The following RNASET2 variants were observed in gnomAD, a reference collection of about 807,000 sequenced individuals.
RNASET2 encodes ribonuclease T2.
RNASET2 carries 28 observed loss-of-function variants against 33.9 expected under a neutral mutation model. The observed-to-expected ratio is 0.83, with a 90% CI of 0.61 to 1.13. RNASET2 has a LOEUF of 1.13. RNASET2 is among the 50% of genes most tolerant of loss of function. The pLI is 0.00. For synonymous variants in RNASET2, 123 were observed against 121.0 expected, an observed-to-expected ratio of 1.02 and a Z score of -0.11; for missense variants, 330 against 319.9, an observed-to-expected ratio of 1.03 and a Z score of -0.24.
At chr6:166,945,904 T>C (rs1036982246) in intron 4 of RNASET2, among the ~76,000 whole-genome samples, 3 of 150,548 alleles carry the variant, frequency 2.0e-5, no homozygotes, top group Non-Finnish European at 4.4e-5. Context: ...CCTTGGGGAA[T>C]GTACCATTCC....
At position 166,925,690 on chromosome 6, in the gene RNASET2, G is replaced by T. The variant is rs556840893; in HGVS notation, c.*3898C>A. 6.6e-6 allele frequency among the ~76,000 whole-genome samples: 1 copy of T among 152,332 alleles called. No homozygotes were observed. Among genetic ancestry groups the T allele is most frequent in the East Asian group, 1.9e-4 (1 of 5,188 alleles). ...AAGAGCTGGAAGAGAAGAGGCCCTG[G>T]TCCCTGGGCGTGGAGGCGCAGAGCC... On this transcript the variant is annotated 3_prime_UTR_variant, in exon 9 of 9. Coordinates refer to ENST00000508775, the MANE Select transcript of RNASET2 (RefSeq NM_003730.6).
At chr6:166,943,890 T>C (rs1338751104) in intron 4 of RNASET2, 3 of 354,550 alleles carry the variant, frequency 8.5e-6, no homozygotes, top group Non-Finnish European at 1.2e-5. Context: ...CGGAGGCCGA[T>C]GCGGGCGGAT....
intron 4 of RNASET2, among the ~76,000 whole-genome samples, chr6:166,946,143 C>T (rs1049776770): frequency 1.3e-5 from 2 of 152,226 alleles, no homozygotes; most frequent in African/African-American, 4.8e-5. Flanking sequence ...GCTAGTATCT[C>T]TAATAAATTC....
At chr6:166,951,130 G>A (rs1778974806) in intron 2 of RNASET2, among the ~76,000 whole-genome samples, 1 of 152,222 alleles carries the variant, frequency 6.6e-6, no homozygotes, top group Admixed American at 6.5e-5. Context: ...TGAGTCACGT[G>A]TCCACTGGAC....
rs1363605668 is a variant in RNASET2 at position 166,923,814 on chromosome 6, G to A, written c.*5774C>T. ...GACTTCATATCTGTGATTGTATCCT[G>A]GTAATTTCATTTCAGGAGCTAGAGC... On this transcript the variant is annotated 3_prime_UTR_variant, in exon 9 of 9. Coordinates refer to ENST00000508775, the MANE Select transcript of RNASET2 (RefSeq NM_003730.6). 2.6e-5 allele frequency among the ~76,000 whole-genome samples: 4 copies of A among 152,056 alleles called. No individual in the cohort carries two copies. Among genetic ancestry groups the A allele is most frequent in the Admixed American group, 2.0e-4 (3 of 15,278 alleles).
Position 166,922,282 on chromosome 6 carries a change from G to A in RNASET2, c.*7306C>T, listed in dbSNP as rs11969767. Among the ~76,000 whole-genome samples, 3,144 of 152,192 alleles carry A rather than the reference G, an allele frequency of 0.021. 106 individuals carry two copies. The highest frequency in any genetic ancestry group is 0.072 in the African/African-American group (2,977 of 41,502). On this transcript the variant is annotated 3_prime_UTR_variant, in exon 9 of 9. Coordinates refer to ENST00000508775, the MANE Select transcript of RNASET2 (RefSeq NM_003730.6). ...ACTCACTGACACACTCAAAAAGCGC[G>A]GTGATCTGAGTTATAGTAAAGCCTG... is the stretch of plus-strand genomic sequence containing the variant.
intron 1 of RNASET2, among the ~76,000 whole-genome samples, chr6:166,955,056 C>T (rs1313392762): frequency 6.6e-6 from 1 of 151,534 alleles, no homozygotes; most frequent in Non-Finnish European, 1.5e-5. Context: ...CCTATTAACC[C>T]GATCATTACC....
chr6:166,953,063 T>C (rs1779026508), intron 1 of RNASET2: 1 of 206,160 alleles, frequency 4.9e-6, no homozygotes, highest in Non-Finnish European at 1.0e-5. Context: ...CACTTGCTTC[T>C]CTGCAGAATT....
chr6:166,936,975 G>C lies in RNASET2; in HGVS notation c.446+1920C>G, dbSNP rs74427226. Among the ~76,000 whole-genome samples, 36 of 152,208 alleles carry C rather than the reference G, an allele frequency of 2.4e-4. 2 individuals carry two copies. The East Asian group carries it at 6.9e-3, about 29-fold the overall frequency. On this transcript the variant is annotated intron_variant, in intron 6 of 8. Coordinates refer to ENST00000508775, the MANE Select transcript of RNASET2 (RefSeq NM_003730.6). The stretch of plus-strand genomic sequence containing the variant: ...GGAAAACACCAGCACTCTGCAGCAG[G>C]GTCAGGACTGTGAGACCCCTGTTTT...
chr6:166,934,536 C>T (rs955680884), intron 6 of RNASET2: 25 of 243,292 alleles, frequency 1.0e-4, no homozygotes, highest in Non-Finnish European at 1.8e-4. Flanking sequence ...CACAGTCATG[C>T]GCCACATTAC....
At position 166,929,107 on chromosome 6, in the gene RNASET2, G is replaced by C. The variant is rs1778351213; in HGVS notation, c.*481C>G. Among the ~76,000 whole-genome samples the C allele has an allele frequency of 6.6e-6, 1 of 152,218 alleles. No homozygotes were observed. Among genetic ancestry groups the C allele is most frequent in the Non-Finnish European group, 1.5e-5 (1 of 68,036 alleles). On this transcript the variant is annotated 3_prime_UTR_variant, in exon 9 of 9. Transcript: ENST00000508775. ...CAGCTGGCTAAGGAACGATGTCCTGGGGCTCTGGTCACATGGAACAGACCC... is the reference window on the plus strand; with the variant it reads ...CAGCTGGCTAAGGAACGATGTCCTGCGGCTCTGGTCACATGGAACAGACCC...
At chr6:166,937,512 C>T (rs1361973255) in intron 6 of RNASET2, among the ~76,000 whole-genome samples, 1 of 152,164 alleles carries the variant, frequency 6.6e-6, no homozygotes, top group South Asian at 2.1e-4. Flanking sequence ...GCTCTTACTG[C>T]AAGAAAGCAA....
chr6:166,935,747 G>C (rs1004567377), intron 6 of RNASET2, among the ~76,000 whole-genome samples: 1 of 152,122 alleles, frequency 6.6e-6, no homozygotes, highest in Non-Finnish European at 1.5e-5. Flanking sequence ...GTGCGATCTC[G>C]ACTCACTGCA....
At chr6:166,942,821 A>G (rs1211209345) in intron 5 of RNASET2, among the ~76,000 whole-genome samples, 198 bp downstream of exon 5, 4 of 152,176 alleles carry the variant, frequency 2.6e-5, no homozygotes, top group Non-Finnish European at 5.9e-5. Flanking sequence ...CTTGCTTTCA[A>G]TTTTTTATAC....
At chr6:166,946,823 A>G in intron 3 of RNASET2, 84 bp from the exon 4 acceptor site, 1 of 778,890 alleles carries the variant, frequency 1.3e-6, no homozygotes, top group East Asian at 2.7e-5. Context: ...AAACACTTTC[A>G]TTGAAGTCTG....
intron 6 of RNASET2, among the ~76,000 whole-genome samples, chr6:166,935,706 C>A (rs1778550112): frequency 6.6e-6 from 1 of 152,176 alleles, no homozygotes; most frequent in African/African-American, 2.4e-5. Context: ...GACACAGAGT[C>A]TTGCTCTGTG....
At chr6:166,950,794 A>G (rs576247962) in intron 2 of RNASET2, among the ~76,000 whole-genome samples, 171 of 152,388 alleles carry the variant, frequency 1.1e-3, no homozygotes, top group African/African-American at 4.1e-3. Flanking sequence ...ATGGGTGCCA[A>G]GCACAGCAAA....
chr6:166,955,809 C>T (rs1268044834), intron 1 of RNASET2: 4 of 971,456 alleles, frequency 4.1e-6, no homozygotes, highest in Non-Finnish European at 4.9e-6. Context: ...CAGAGGTCAC[C>T]CCGGGGCGTG....
intron 6 of RNASET2, among the ~76,000 whole-genome samples, chr6:166,935,539 T>C (rs1457998987): frequency 2.0e-5 from 3 of 152,230 alleles, no homozygotes; most frequent in Non-Finnish European, 4.4e-5. Context: ...CAGGTCTTTA[T>C]CTGTGGGTAC....
Sources: gnomAD v4.1 joint callset for allele counts (sites outside exome capture counted in the v4.1 genomes callset) on GRCh38, gnomAD v4.1.1 for gene constraint, MANE v1.5 for transcripts, NCBI Gene and HGNC (gene_info 2026-07-23, HGNC 2026-07-21) for gene names.